BMPR1B: variants seen among roughly 807,000 people sequenced by gnomAD.
BMPR1B encodes bone morphogenetic protein receptor type 1B, also known as bone morphogenetic protein receptor type-1B.
BMPR1B carries 12 observed loss-of-function variants against 59.1 expected under a neutral mutation model. The ratio of observed to expected loss-of-function variants is 0.20; its 90% CI spans 0.13 to 0.33. BMPR1B has a LOEUF of 0.33. BMPR1B is among the 10% of genes least tolerant of loss of function. BMPR1B has a pLI of 1.00. For synonymous variants in BMPR1B, 237 were observed against 207.3 expected (o/e 1.14, Z -1.23); for missense variants, 550 against 610.9 (o/e 0.90, Z 1.05).
intron 1 of BMPR1B, among the ~76,000 whole-genome samples, chr4:94,764,896 G>A (rs1721912243): frequency 6.6e-6 from 1 of 152,106 alleles, no homozygotes; most frequent in Non-Finnish European, 1.5e-5. Flanking sequence ...CTATTTGGGA[G>A]GACTGGGAAG....
intron 2 of BMPR1B, among the ~76,000 whole-genome samples, chr4:94,983,017 A>T (rs545667094): frequency 2.0e-5 from 3 of 152,050 alleles, no homozygotes; most frequent in East Asian, 3.9e-4. Context: ...CGAAAAAAAA[A>T]TTGTCACCTG....
intron 3 of BMPR1B, among the ~76,000 whole-genome samples, chr4:95,039,781 T>C (rs1276984079): frequency 6.6e-6 from 1 of 152,114 alleles, no homozygotes; most frequent in Non-Finnish European, 1.5e-5. Context: ...TTTTTTTAGC[T>C]CATCAGTGTA....
intron 3 of BMPR1B, among the ~76,000 whole-genome samples, chr4:95,001,963 ATTG>A (rs933272478): frequency 3.9e-5 from 6 of 152,010 alleles, no homozygotes; most frequent in Non-Finnish European, 5.9e-5. Flanking sequence ...AGAGGTTTTT[ATTG>A]TTGTTGTTGT....
chr4:94,764,583 C>T lies in BMPR1B; in HGVS notation c.-183+6515C>T, dbSNP rs75446605. Among the ~76,000 whole-genome samples the T allele has an allele frequency of 4.2e-3, 639 of 152,280 alleles. 4 individuals carry two copies. The highest frequency in any genetic ancestry group is 0.015 in the African/African-American group (620 of 41,550). On this transcript the variant is annotated intron_variant, in intron 1 of 12. Transcript: ENST00000515059. ...AAAGTCCTATTTTCTGTTGATTCAG[C>T]TTCTGAAAGCCTGCTCTTTGGAGTC... is the stretch of plus-strand genomic sequence containing the variant.
intron 3 of BMPR1B, among the ~76,000 whole-genome samples, chr4:95,097,988 G>A (rs539088153): frequency 6.6e-6 from 1 of 151,990 alleles, no homozygotes; most frequent in South Asian, 2.1e-4. Flanking sequence ...ACAAAATCAA[G>A]TAAAATGAGG....
intron 2 of BMPR1B, among the ~76,000 whole-genome samples, chr4:94,987,259 T>C (rs2149094213): frequency 6.8e-6 from 1 of 146,402 alleles, no homozygotes; most frequent in African/African-American, 2.5e-5. Flanking sequence ...ATATAAAATA[T>C]ATATTATATA....
intron 3 of BMPR1B, among the ~76,000 whole-genome samples, chr4:95,029,042 A>G (rs895072250): frequency 6.7e-6 from 1 of 150,348 alleles, no homozygotes. Context: ...TAGCCTTTCA[A>G]GTTCTTGAGA....
chr4:95,132,448 A>G (rs958941035), intron 10 of BMPR1B, among the ~76,000 whole-genome samples: 1 of 152,206 alleles, frequency 6.6e-6, no homozygotes, highest in Non-Finnish European at 1.5e-5. Flanking sequence ...CTGAGGTGTG[A>G]TTTAATAACA....
chr4:95,092,893 A>G (rs1730096145), intron 3 of BMPR1B, among the ~76,000 whole-genome samples: 1 of 152,104 alleles, frequency 6.6e-6, no homozygotes, highest in Admixed American at 6.6e-5. Flanking sequence ...CAAGTTGAAC[A>G]TCTACTTTGA....
intron 1 of BMPR1B, among the ~76,000 whole-genome samples, chr4:94,852,652 C>G (rs961643350): frequency 2.0e-5 from 3 of 151,964 alleles, no homozygotes; most frequent in Admixed American, 2.0e-4. Flanking sequence ...GGCAAGCACC[C>G]ACATTAAAAT....
rs562729971 is a variant in BMPR1B at position 94,848,273 on chromosome 4, A to G, written c.-182-27558A>G. ...GAATTAAAATTCATTGAACTGCTCT[A>G]TGTAATAGTTCTTCATCATTAAACC... On this transcript the variant is annotated intron_variant, in intron 1 of 12. Coordinates refer to ENST00000515059, the MANE Select transcript of BMPR1B (RefSeq NM_001203.3). 7.9e-5 allele frequency among the ~76,000 whole-genome samples: 12 copies of G among 152,328 alleles called. No individual in the cohort carries two copies. In the South Asian group the frequency reaches 2.3e-3, roughly 29 times the overall value.
At chr4:94,780,290 C>A (rs2110585538) in intron 1 of BMPR1B, among the ~76,000 whole-genome samples, 1 of 152,214 alleles carries the variant, frequency 6.6e-6, no homozygotes, top group Non-Finnish European at 1.5e-5. Flanking sequence ...TCTCTGGTGA[C>A]TGGCTTTCTT....
chr4:95,071,652 G>GTA (rs58148216), intron 3 of BMPR1B, among the ~76,000 whole-genome samples: 9,153 of 84,078 alleles, frequency 0.11, 399 homozygotes, highest in Middle Eastern at 0.16. Flanking sequence ...GTGTGTGTGT[G>GTA]TATATATATA....
chr4:94,901,528 A>G (rs1727808860), intron 2 of BMPR1B, among the ~76,000 whole-genome samples: 1 of 152,006 alleles, frequency 6.6e-6, no homozygotes, highest in Admixed American at 6.6e-5. Flanking sequence ...TTGAAGATTT[A>G]GACTATATTT....
At chr4:95,094,514 A>G (rs1163493485) in intron 3 of BMPR1B, among the ~76,000 whole-genome samples, 1 of 152,120 alleles carries the variant, frequency 6.6e-6, no homozygotes, top group Non-Finnish European at 1.5e-5. Context: ...AGTAAGAGTC[A>G]GCAGCACATA....
chr4:94,961,586 A>G (rs1372633200), intron 2 of BMPR1B, among the ~76,000 whole-genome samples: 2 of 152,128 alleles, frequency 1.3e-5, no homozygotes, highest in Admixed American at 1.3e-4. Context: ...TTATTTATCT[A>G]TCAGTCATAC....
chr4:94,891,590 T>G (rs1177904202), intron 2 of BMPR1B, among the ~76,000 whole-genome samples: 3 of 152,072 alleles, frequency 2.0e-5, no homozygotes, highest in African/African-American at 4.8e-5. Context: ...TGGCCACACA[T>G]TCTAATCCTG....
At chr4:95,026,164 C>CTTTCTTTCTTTCTTTCTT (rs1560603124) in intron 3 of BMPR1B, among the ~76,000 whole-genome samples, 1 of 10,728 alleles carries the variant, frequency 9.3e-5, no homozygotes, top group Non-Finnish European at 2.6e-4. Context: ...CTTTCTTTCT[C>CTTTCTTTCTTTCTTTCTT]TTTTTCTCTT....
chr4:94,990,561 C>T (rs139494405), intron 2 of BMPR1B, among the ~76,000 whole-genome samples: 480 of 152,206 alleles, frequency 3.2e-3, no homozygotes, highest in South Asian at 7.9e-3. Context: ...ACATTAAATC[C>T]ATTTCTTTGA....
Sources: gnomAD v4.1 joint callset for allele counts (sites outside exome capture counted in the v4.1 genomes callset) on GRCh38, gnomAD v4.1.1 for gene constraint, MANE v1.5 for transcripts, NCBI Gene and HGNC (gene_info 2026-07-23, HGNC 2026-07-21) for gene names.